Variants in RORA observed in about 807,000 individuals in gnomAD.
The protein encoded by RORA is nuclear receptor ROR-alpha.
A neutral mutation model predicts 69.5 loss-of-function variants in RORA; 7 were observed. That is an observed-to-expected ratio of 0.10 (90% CI 0.06 to 0.19). RORA has a LOEUF of 0.19. Ranked by LOEUF, RORA falls within the 10% of genes least tolerant of loss-of-function variation. RORA has a pLI of 1.00. For synonymous variants in RORA, 261 were observed against 240.8 expected (o/e 1.08, Z -0.78); for missense variants, 457 against 663.0 (o/e 0.69, Z 3.41).
At chr15:60,793,416 G>A (rs2072445727) in intron 1 of RORA, among the ~76,000 whole-genome samples, 1 of 152,170 alleles carries the variant, frequency 6.6e-6, no homozygotes, top group Non-Finnish European at 1.5e-5. Context: ...GTAATCAAAT[G>A]AGGTAAGCCA....
At chr15:60,719,368 T>C (rs1394214352) in intron 1 of RORA, among the ~76,000 whole-genome samples, 1 of 152,120 alleles carries the variant, frequency 6.6e-6, no homozygotes, top group Non-Finnish European at 1.5e-5. Context: ...TTGATGGTCA[T>C]TGAAGCTGAA....
chr15:60,712,934 T>C (rs181542644), intron 1 of RORA, among the ~76,000 whole-genome samples: 53 of 152,232 alleles, frequency 3.5e-4, no homozygotes, highest in African/African-American at 1.2e-3. Context: ...TGCTCACAGC[T>C]ATTGGACACA....
intron 1 of RORA, among the ~76,000 whole-genome samples, chr15:60,879,109 A>G (rs2073651213): frequency 6.6e-6 from 1 of 152,154 alleles, no homozygotes; most frequent in African/African-American, 2.4e-5. Flanking sequence ...TTCCTGTGTC[A>G]CAAAATCAAC....
At chr15:61,015,781 G>A (rs1048410560) in intron 1 of RORA, among the ~76,000 whole-genome samples, 1 of 152,178 alleles carries the variant, frequency 6.6e-6, no homozygotes, top group South Asian at 2.1e-4. Context: ...TGCTCCAAAT[G>A]ATACAAAATT....
At position 60,632,111 on chromosome 15, in the gene RORA, ATTT is replaced by A. The variant is rs11308166; in HGVS notation, c.196+46543_196+46545del. ...TACTTAAATTCATGTTTCACTACCT[ATTT>A]TTTTTTTTTTTAGACGGAGTCTCAC... On this transcript the variant is annotated intron_variant, in intron 2 of 10. Transcript: ENST00000335670. 8.3e-3 allele frequency among the ~76,000 whole-genome samples: 1,226 copies of A among 146,954 alleles called. 15 individuals are homozygous for A. The highest frequency in any genetic ancestry group is 0.029 in the African/African-American group (1,151 of 40,014).
At chr15:60,648,300 A>G (rs2070088926) in intron 2 of RORA, among the ~76,000 whole-genome samples, 1 of 152,260 alleles carries the variant, frequency 6.6e-6, no homozygotes, top group East Asian at 1.9e-4. Flanking sequence ...TTCTAATTAT[A>G]TCAATATTGG....
At chr15:61,055,791 A>G (rs1021725311) in intron 1 of RORA, among the ~76,000 whole-genome samples, 3 of 152,268 alleles carry the variant, frequency 2.0e-5, no homozygotes, top group Admixed American at 6.5e-5. Flanking sequence ...GAACAGAATC[A>G]TTAGGATTTG....
At chr15:61,040,112 TGA>T (rs1491413560) in intron 1 of RORA, among the ~76,000 whole-genome samples, 4 of 57,634 alleles carry the variant, frequency 6.9e-5, no homozygotes, top group Admixed American at 3.6e-4. Context: ...TCACAAGCTT[TGA>T]TATATATATA....
chr15:60,743,580 T>C (rs1421997602), intron 1 of RORA, among the ~76,000 whole-genome samples: 2 of 152,160 alleles, frequency 1.3e-5, no homozygotes, highest in Non-Finnish European at 2.9e-5. Context: ...CACTGATAAG[T>C]CTTATAAAGG....
At chr15:61,169,225 C>G (rs1286794692) in intron 1 of RORA, among the ~76,000 whole-genome samples, 2 of 152,092 alleles carry the variant, frequency 1.3e-5, no homozygotes, top group Non-Finnish European at 2.9e-5. Context: ...TCGCCTTAAC[C>G]CTTGCCATTC....
At chr15:60,750,668 G>T (rs1351544) in intron 1 of RORA, among the ~76,000 whole-genome samples, 30,067 of 152,048 alleles carry the variant, frequency 0.2, 3,438 homozygotes, top group African/African-American at 0.32. Flanking sequence ...GAGCAAAAGA[G>T]GACCATGGAT....
intron 1 of RORA, among the ~76,000 whole-genome samples, chr15:61,204,202 G>A (rs140322436): frequency 1.1e-3 from 175 of 152,306 alleles, no homozygotes; most frequent in Non-Finnish European, 2.2e-3. Flanking sequence ...GATCCAAGCT[G>A]AGACTCACCA....
At chr15:60,570,218 T>C (rs1272787031) in intron 2 of RORA, among the ~76,000 whole-genome samples, 1 of 152,194 alleles carries the variant, frequency 6.6e-6, no homozygotes, top group East Asian at 1.9e-4. Flanking sequence ...AAAAATGCCT[T>C]CCTTTCTGGA....
chr15:60,644,025 G>A (rs750671257), intron 2 of RORA, among the ~76,000 whole-genome samples: 5 of 151,974 alleles, frequency 3.3e-5, no homozygotes, highest in Non-Finnish European at 7.4e-5. Context: ...TACTAGAATA[G>A]CACAGGAAGC....
chr15:60,488,403 C>T lies in RORA; in HGVS notation c.*9052G>A, dbSNP rs1160226194. 6.6e-6 allele frequency: 1 copy of T among 151,958 alleles called. No individual in the cohort carries two copies. Among genetic ancestry groups the T allele is most frequent in the Non-Finnish European group, 1.5e-5 (1 of 67,998 alleles). The allele number at this position is 151,958 out of a possible 1,614,324, so 9.4% of individuals were successfully genotyped here. ...ATATTAAAGGTACAGTTTCTAAGTA[C>T]AATATAACAACATTCATATTAGAAT... On this transcript the variant is annotated 3_prime_UTR_variant, in exon 11 of 11. Coordinates refer to ENST00000335670, the MANE Select transcript of RORA (RefSeq NM_134261.3).
At chr15:61,041,887 C>T (rs376329767) in intron 1 of RORA, among the ~76,000 whole-genome samples, 1 of 152,158 alleles carries the variant, frequency 6.6e-6, no homozygotes. Context: ...TCATTGAATC[C>T]TCCTTTTAAT....
At chr15:60,906,708 T>C (rs1461816478) in intron 1 of RORA, among the ~76,000 whole-genome samples, 1 of 152,220 alleles carries the variant, frequency 6.6e-6, no homozygotes, top group Non-Finnish European at 1.5e-5. Flanking sequence ...GGGCTAGCTA[T>C]GCAGAAATCT....
chr15:60,838,716 T>C (rs1181862141), intron 1 of RORA, among the ~76,000 whole-genome samples: 1 of 152,168 alleles, frequency 6.6e-6, no homozygotes, highest in Non-Finnish European at 1.5e-5. Context: ...GCACATGGTT[T>C]AACCAAAATC....
Position 60,905,086 on chromosome 15 carries a change from T to C in RORA, c.167-226400A>G, listed in dbSNP as rs1476889869. Among the ~76,000 whole-genome samples the C allele has an allele frequency of 1.3e-5, 2 of 152,200 alleles. No homozygotes were observed. The highest frequency in any genetic ancestry group is 4.8e-5 in the African/African-American group (2 of 41,444). On this transcript the variant is annotated intron_variant, in intron 1 of 10. Coordinates refer to ENST00000335670, the MANE Select transcript of RORA (RefSeq NM_134261.3). This position sits in a 1 kb window ranked among gnomAD's most constrained non-coding sequence, Gnocchi z 4.8. Reference sequence around the variant, plus strand: ...TGGGGGCGCTCGTCTTTAATGTTAATGAGACTCATTCATACCATGGGCTGG... The same window carrying C: ...TGGGGGCGCTCGTCTTTAATGTTAACGAGACTCATTCATACCATGGGCTGG...
Sources: gnomAD v4.1 joint callset for allele counts (sites outside exome capture counted in the v4.1 genomes callset) on GRCh38, gnomAD v4.1.1 for gene constraint, Gnocchi (gnomAD v3.1) non-coding constraint, MANE v1.5 for transcripts, NCBI Gene and HGNC (gene_info 2026-07-23, HGNC 2026-07-21) for gene names.